KCNMA1: variants seen among roughly 807,000 people sequenced by gnomAD.
The protein encoded by KCNMA1 is Calcium-activated potassium channel subunit alpha-1.
In KCNMA1, 29 loss-of-function variants were observed where a neutral mutation model predicts 140.0. The ratio of observed to expected loss-of-function variants is 0.21; its 90% CI spans 0.15 to 0.28. The LOEUF (loss-of-function observed/expected upper bound fraction) is 0.28. Ranked by LOEUF, KCNMA1 falls within the 10% of genes least tolerant of loss-of-function variation. The pLI is 1.00. For synonymous variants in KCNMA1, 612 were observed against 611.9 expected (o/e 1.00, Z 0.00); for missense variants, 880 against 1,602.2 (o/e 0.55, Z 7.70).
chr10:77,119,905 A>G (rs1047543224), intron 6 of KCNMA1, among the ~76,000 whole-genome samples: 3 of 152,064 alleles, frequency 2.0e-5, no homozygotes, highest in Non-Finnish European at 4.4e-5. Flanking sequence ...AGCAAAATAA[A>G]ATAAACAAGC....
In KCNMA1 at chr10:77,594,722, G is replaced by A. The variant is rs143431456; in HGVS notation, c.378+42543C>T. Among the ~76,000 whole-genome samples, 354 of 152,334 alleles carry A rather than the reference G, an allele frequency of 2.3e-3. 2 individuals are homozygous for A. Among genetic ancestry groups the A allele is most frequent in the South Asian group, 7.9e-3 (38 of 4,820 alleles). On this transcript the variant is annotated intron_variant, in intron 1 of 27. Transcript: ENST00000286628. ...CCTGGTCAGGACTGATAACAATGGC[G>A]TATGGCTGGCCTTTCCCAGCCTCCC...
At chr10:77,471,730 AACAC>A (rs1255035984) in intron 1 of KCNMA1, among the ~76,000 whole-genome samples, 1 of 150,678 alleles carries the variant, frequency 6.6e-6, no homozygotes, top group East Asian at 1.9e-4. Flanking sequence ...ATACACACAT[AACAC>A]ACATACACGC....
chr10:77,113,643 T>C (rs1228445192), intron 6 of KCNMA1, among the ~76,000 whole-genome samples: 1 of 152,068 alleles, frequency 6.6e-6, no homozygotes, highest in Non-Finnish European at 1.5e-5. Context: ...TTTGTATTTT[T>C]AGTAGAGATG....
chr10:77,601,024 G>A (rs2082468953), intron 1 of KCNMA1, among the ~76,000 whole-genome samples: 2 of 152,174 alleles, frequency 1.3e-5, no homozygotes, highest in African/African-American at 2.4e-5. Flanking sequence ...CTCCCACTGA[G>A]CAAAGTCAAT....
At chr10:77,598,593 T>C (rs1275335425) in intron 1 of KCNMA1, among the ~76,000 whole-genome samples, 1 of 152,202 alleles carries the variant, frequency 6.6e-6, no homozygotes, top group Non-Finnish European at 1.5e-5. Context: ...ACATATGCTA[T>C]TTTTATAACT....
Position 77,637,411 on chromosome 10 carries a change from G to A in KCNMA1, c.232C>T (p.Pro78Ser), listed in dbSNP as rs1347749251. The A allele has an allele frequency of 6.2e-7, 1 of 1,613,700 alleles. No individual in the cohort carries two copies. The highest frequency in any genetic ancestry group is 8.5e-7 in the Non-Finnish European group (1 of 1,179,922). ...ALIIPVTMEVPCDSRGQRMWW... is the reference protein window; with the variant it reads ...ALIIPVTMEVSCDSRGQRMWW... ...ATGCGTTGGCCCCGGCTGTCGCACG[G>A]CACCTCCATGGTCACCGGGATGATG... The change falls in exon 1 of 28, where the codon CCG becomes TCG. Residue 78 changes from proline to serine, a missense_variant. This residue lies in a region of KCNMA1 where 31 missense variants were observed against 75.0 expected (regional missense o/e 0.41). Coordinates refer to ENST00000286628, the MANE Select transcript of KCNMA1 (RefSeq NM_001161352.2).
At chr10:77,489,033 C>T (rs1247472120) in intron 1 of KCNMA1, among the ~76,000 whole-genome samples, 1 of 152,120 alleles carries the variant, frequency 6.6e-6, no homozygotes, top group Non-Finnish European at 1.5e-5. Context: ...CCCATCTTCC[C>T]CCTCTAGGCA....
intron 1 of KCNMA1, among the ~76,000 whole-genome samples, chr10:77,417,614 A>G (rs1603528495): frequency 6.6e-6 from 1 of 152,294 alleles, no homozygotes; most frequent in East Asian, 1.9e-4. Context: ...CAGTCAAAAG[A>G]AAGATGAATG....
At chr10:77,401,815 C>T (rs1019253720) in intron 2 of KCNMA1, among the ~76,000 whole-genome samples, 1 of 152,190 alleles carries the variant, frequency 6.6e-6, no homozygotes, top group Non-Finnish European at 1.5e-5. Flanking sequence ...GAAAGCTTTT[C>T]TGATCAGCCC....
chr10:77,484,660 C>T (rs1400985167), intron 1 of KCNMA1, among the ~76,000 whole-genome samples: 2 of 152,222 alleles, frequency 1.3e-5, no homozygotes, highest in African/African-American at 4.8e-5. Context: ...CCATGGTTCT[C>T]AATCTTGCCT....
intron 16 of KCNMA1, among the ~76,000 whole-genome samples, chr10:77,024,230 C>T (rs2093175608): frequency 6.6e-6 from 1 of 152,102 alleles, no homozygotes; most frequent in Admixed American, 6.5e-5. Flanking sequence ...GAGGTGCAAC[C>T]ACTGTGGACC....
rs964530726 is a variant in KCNMA1, at chr10:76,949,259, G to A, written c.2592C>T (p.Leu864=). Residue 864 remains leucine (L), a synonymous_variant, in exon 22 of 28, where the codon CTC becomes CTT. Coordinates refer to ENST00000286628, the MANE Select transcript of KCNMA1 (RefSeq NM_001161352.2). ...CATGGTAATGAAAGTTGCTGGCACG[G>A]AGCGGCATCACCAGGTTCCGGAGGC... is the stretch of plus-strand genomic sequence containing the variant. ...LIGLRNLVMP[L]RASNFHYHEL... The A allele has an allele frequency of 1.2e-6, 2 of 1,614,136 alleles. No homozygotes were observed. Among genetic ancestry groups the A allele is most frequent in the Non-Finnish European group, 1.7e-6 (2 of 1,180,018 alleles).
intron 14 of KCNMA1, among the ~76,000 whole-genome samples, chr10:77,054,843 C>G (rs1449168892): frequency 6.6e-6 from 1 of 152,122 alleles, no homozygotes; most frequent in Non-Finnish European, 1.5e-5. Flanking sequence ...CTAAATCAGC[C>G]AAATGAGTTT....
At chr10:77,160,652 A>T (rs998012137) in intron 5 of KCNMA1, among the ~76,000 whole-genome samples, 8 of 152,230 alleles carry the variant, frequency 5.3e-5, no homozygotes, top group African/African-American at 1.9e-4. Flanking sequence ...ATCCTTGCCC[A>T]TATCTGCCAA....
chr10:77,357,435 T>C (rs2093591644), intron 2 of KCNMA1, among the ~76,000 whole-genome samples: 1 of 152,210 alleles, frequency 6.6e-6, no homozygotes, highest in African/African-American at 2.4e-5. Context: ...TCTGCTTAGA[T>C]ATAGCCCACT....
chr10:76,928,294 C>CACACACACACACACACAT (rs1410493073), intron 23 of KCNMA1, among the ~76,000 whole-genome samples: 3 of 71,680 alleles, frequency 4.2e-5, no homozygotes, highest in Non-Finnish European at 1.2e-4. Flanking sequence ...CGCGCGCACA[C>CACACACACACACACACAT]ACACACACAC....
intron 5 of KCNMA1, among the ~76,000 whole-genome samples, chr10:77,151,934 T>C (rs550613571): frequency 6.6e-6 from 1 of 152,286 alleles, no homozygotes; most frequent in Admixed American, 6.5e-5. Context: ...GAGGGCAGAA[T>C]AGGAGCTGAA....
At chr10:77,468,533 A>G (rs1314577590) in intron 1 of KCNMA1, among the ~76,000 whole-genome samples, 1 of 152,202 alleles carries the variant, frequency 6.6e-6, no homozygotes, top group East Asian at 1.9e-4. Context: ...GGACACAGAC[A>G]TATACAGGAG....
intron 15 of KCNMA1, among the ~76,000 whole-genome samples, chr10:77,037,430 T>G (rs534441472): frequency 1.3e-5 from 2 of 152,316 alleles, no homozygotes; most frequent in Admixed American, 1.3e-4. Flanking sequence ...TTTGGAAATA[T>G]CAGCAACTAG....
Sources: allele counts gnomAD v4.1 joint callset (sites outside exome capture counted in the v4.1 genomes callset), GRCh38; gene constraint gnomAD v4.1.1; regional missense constraint gnomAD v4.1.1; transcripts MANE v1.5; gene names NCBI Gene and HGNC (gene_info 2026-07-23, HGNC 2026-07-21).